HDDC2: variants seen among roughly 807,000 people sequenced by gnomAD.
HDDC2 encodes 5'-deoxynucleotidase HDDC2.
HDDC2 carries 25 observed loss-of-function variants against 25.5 expected under a neutral mutation model. That is an observed-to-expected ratio of 0.98 (90% CI 0.72 to 1.37). The LOEUF (loss-of-function observed/expected upper bound fraction) is 1.37. Ranked by LOEUF, HDDC2 falls within the 40% of genes most tolerant of loss-of-function variation. The pLI, the probability that HDDC2 is intolerant of heterozygous loss-of-function variation, is 0.00. For synonymous variants in HDDC2, 106 were observed against 89.7 expected (o/e 1.18, Z -1.03); for missense variants, 264 against 253.1 (o/e 1.04, Z -0.29).
At chr6:125,298,659 C>T in intron 3 of HDDC2, 55 bp downstream of exon 3, 1 of 1,337,242 alleles carries the variant, frequency 7.5e-7, no homozygotes, top group Non-Finnish European at 1.1e-6. Flanking sequence ...CTTAGCTTTG[C>T]TTCAGCAAGA....
intron 4 of HDDC2, among the ~76,000 whole-genome samples, chr6:125,288,166 T>A (rs993143090): frequency 6.6e-6 from 1 of 152,196 alleles, no homozygotes; most frequent in Non-Finnish European, 1.5e-5. Context: ...ACAGTGTCTA[T>A]GTTCTCAAAG....
At chr6:125,290,322 G>A (rs949993173) in intron 4 of HDDC2, among the ~76,000 whole-genome samples, 1 of 152,140 alleles carries the variant, frequency 6.6e-6, no homozygotes. Context: ...AGGAAATTGA[G>A]GCACAGAGAG....
At chr6:125,286,381 G>C (rs907328078) in intron 4 of HDDC2, among the ~76,000 whole-genome samples, 4 of 152,176 alleles carry the variant, frequency 2.6e-5, no homozygotes, top group African/African-American at 9.6e-5. Context: ...TTTTAAAATT[G>C]TTTTCAGTAA....
Position 125,275,961 on chromosome 6 carries a change from A to G in HDDC2, c.*185T>C. 1 of 584,498 alleles carries G rather than the reference A, an allele frequency of 1.7e-6. No homozygotes were observed. Among genetic ancestry groups the G allele is most frequent in the African/African-American group, 1.9e-5 (1 of 53,284 alleles). The allele number at this position is 584,498 out of a possible 1,614,324, so 36.2% of individuals were successfully genotyped here. On this transcript the variant is annotated 3_prime_UTR_variant, in exon 6 of 6. Coordinates refer to ENST00000398153, the MANE Select transcript of HDDC2 (RefSeq NM_016063.3). Reference sequence around the variant, plus strand: ...AGTGTTCATCCATGGCACTTTCATGACCGCTTCCTGTTCTGTGGCTTCTTT... The same window carrying G: ...AGTGTTCATCCATGGCACTTTCATGGCCGCTTCCTGTTCTGTGGCTTCTTT...
At chr6:125,298,148 T>C (rs1389245261) in intron 3 of HDDC2, among the ~76,000 whole-genome samples, 1 of 152,098 alleles carries the variant, frequency 6.6e-6, no homozygotes, top group East Asian at 1.9e-4. Context: ...TGGCTTACTA[T>C]CAGGGTGACA....
At chr6:125,281,090 G>A (rs972174805) in intron 4 of HDDC2, among the ~76,000 whole-genome samples, 8 of 152,184 alleles carry the variant, frequency 5.3e-5, no homozygotes, top group African/African-American at 1.4e-4. Flanking sequence ...CTCAGCAAAC[G>A]CCAGCAGACC....
At chr6:125,280,252 G>A (rs1798437938) in intron 4 of HDDC2, among the ~76,000 whole-genome samples, 1 of 152,200 alleles carries the variant, frequency 6.6e-6, no homozygotes, top group African/African-American at 2.4e-5. Context: ...CCACAGACCA[G>A]GGGATTCCCT....
At chr6:125,294,117 C>A (rs573447975) in intron 3 of HDDC2, among the ~76,000 whole-genome samples, 95 of 152,354 alleles carry the variant, frequency 6.2e-4, no homozygotes, top group African/African-American at 2.2e-3. Flanking sequence ...TCATCCCATA[C>A]CTTTTAATCA....
chr6:125,291,908 C>T (rs78894934), intron 4 of HDDC2, among the ~76,000 whole-genome samples: 2,502 of 152,280 alleles, frequency 0.016, 33 homozygotes, highest in Middle Eastern at 0.034. Context: ...TGCAGGGTTT[C>T]AACCCTGGGC....
chr6:125,292,746 A>C, intron 4 of HDDC2, 95 bp downstream of exon 4: 2 of 925,308 alleles, frequency 2.2e-6, no homozygotes, highest in Non-Finnish European at 3.6e-6. Flanking sequence ...TAAGTTAGGG[A>C]CCGCTTGTTA....
chr6:125,292,238 GAA>G (rs1798643351), intron 4 of HDDC2, among the ~76,000 whole-genome samples: 2 of 152,112 alleles, frequency 1.3e-5, no homozygotes, highest in Non-Finnish European at 2.9e-5. Flanking sequence ...CTTCACAAAT[GAA>G]AGACAACAGT....
chr6:125,283,273 T>C (rs1302787748), intron 4 of HDDC2, among the ~76,000 whole-genome samples: 4 of 152,198 alleles, frequency 2.6e-5, no homozygotes, highest in Non-Finnish European at 5.9e-5. Context: ...GGATGCCCTC[T>C]CTCACCACTC....
intron 5 of HDDC2, 165 bp from the exon 6 acceptor site, chr6:125,276,408 G>C (rs771385671): frequency 1.0e-5 from 6 of 600,476 alleles, no homozygotes; most frequent in Non-Finnish European, 1.5e-5. Context: ...GGGGCTGAAG[G>C]GGACCACTTG....
chr6:125,298,591 A>G, intron 3 of HDDC2, 123 bp downstream of exon 3: 1 of 711,198 alleles, frequency 1.4e-6, no homozygotes, highest in Non-Finnish European at 2.5e-6. Context: ...TCCCCTTCCT[A>G]AGACACTACT....
intron 4 of HDDC2, chr6:125,278,067 G>GT (rs1430278021): frequency 6.6e-6 from 1 of 152,168 alleles, no homozygotes; most frequent in Non-Finnish European, 1.5e-5. Flanking sequence ...GTTCTTGTTT[G>GT]TAATTCTACC....
intron 4 of HDDC2, 77 bp from the exon 5 acceptor site, chr6:125,277,317 C>T (rs2115099267): frequency 1.4e-6 from 2 of 1,396,744 alleles, no homozygotes; most frequent in African/African-American, 1.4e-5. Context: ...GACTCTGGTA[C>T]CCGAAATCAG....
intron 3 of HDDC2, among the ~76,000 whole-genome samples, chr6:125,295,484 C>T (rs1242114234): frequency 6.6e-6 from 1 of 151,944 alleles, no homozygotes; most frequent in Non-Finnish European, 1.5e-5. Flanking sequence ...ACCTCTTTGT[C>T]CTTCAGGTTT....
chr6:125,291,815 T>G (rs1798635377), intron 4 of HDDC2, among the ~76,000 whole-genome samples: 1 of 152,202 alleles, frequency 6.6e-6, no homozygotes, highest in African/African-American at 2.4e-5. Context: ...AATGGCTATT[T>G]CATCCCACCA....
chr6:125,292,349 G>A (rs1798644737), intron 4 of HDDC2, among the ~76,000 whole-genome samples: 2 of 152,104 alleles, frequency 1.3e-5, no homozygotes, highest in Admixed American at 1.3e-4. Context: ...AGCAGCACTG[G>A]GAAGGGAGTG....
Sources: allele counts gnomAD v4.1 joint callset (sites outside exome capture counted in the v4.1 genomes callset), GRCh38; gene constraint gnomAD v4.1.1; transcripts MANE v1.5; gene names NCBI Gene and HGNC (gene_info 2026-07-23, HGNC 2026-07-21).